Variants in AUTS2 observed in about 807,000 individuals in gnomAD.
AUTS2 encodes the protein autism susceptibility gene 2 protein.
A neutral mutation model predicts 112.4 loss-of-function variants in AUTS2; 17 were observed. The ratio of observed to expected loss-of-function variants is 0.15; its 90% CI spans 0.10 to 0.23. AUTS2 has a LOEUF of 0.23. AUTS2 is among the 10% of genes least tolerant of loss of function. The probability of loss-of-function intolerance (pLI) is 1.00; values close to 1 mark genes in which losing one functional copy is unlikely to be tolerated. For missense variants in AUTS2, 1,510 were observed against 1,701.6 expected (o/e 0.89, Z 1.98); for synonymous variants, 751 against 702.7 (o/e 1.07, Z -1.09).
chr7:70,669,688 T>C (rs1470060723), intron 5 of AUTS2, among the ~76,000 whole-genome samples: 1 of 152,234 alleles, frequency 6.6e-6, no homozygotes, highest in Non-Finnish European at 1.5e-5. Context: ...TCAGAGTTAG[T>C]CCATTTCTTG....
At chr7:70,481,300 C>T (rs1292867674) in intron 5 of AUTS2, among the ~76,000 whole-genome samples, 1 of 152,092 alleles carries the variant, frequency 6.6e-6, no homozygotes, top group Non-Finnish European at 1.5e-5. Context: ...CAAGGGAGGC[C>T]GAAGTTGGTG....
At chr7:70,325,190 G>A (rs1035093090) in intron 4 of AUTS2, among the ~76,000 whole-genome samples, 1 of 152,066 alleles carries the variant, frequency 6.6e-6, no homozygotes, top group Non-Finnish European at 1.5e-5. Context: ...CAGGCATTGT[G>A]GCTCACACCT....
intron 2 of AUTS2, among the ~76,000 whole-genome samples, chr7:69,944,876 A>T (rs557444251): frequency 6.6e-6 from 1 of 152,162 alleles, no homozygotes; most frequent in South Asian, 2.1e-4. Context: ...TACTTTGATG[A>T]AAGGGTCAGA....
At chr7:69,780,904 C>A (rs1430612243) in intron 1 of AUTS2, among the ~76,000 whole-genome samples, 1 of 152,212 alleles carries the variant, frequency 6.6e-6, no homozygotes, top group Non-Finnish European at 1.5e-5. Context: ...GGATTTTAAT[C>A]AGGTCAACTT....
chr7:70,751,223 G>T (rs1464787955), intron 6 of AUTS2, among the ~76,000 whole-genome samples: 1 of 152,128 alleles, frequency 6.6e-6, no homozygotes, highest in Non-Finnish European at 1.5e-5. Flanking sequence ...TCAGCTTCTC[G>T]GATGAAGGTG....
intron 1 of AUTS2, among the ~76,000 whole-genome samples, chr7:69,764,362 T>G (rs1788325364): frequency 6.6e-6 from 1 of 152,116 alleles, no homozygotes; most frequent in Non-Finnish European, 1.5e-5. Flanking sequence ...GCCTGCCTGC[T>G]TTTGTTCTAG....
intron 1 of AUTS2, among the ~76,000 whole-genome samples, chr7:69,689,684 A>G (rs1409843177): frequency 2.1e-5 from 1 of 46,860 alleles, no homozygotes; most frequent in Non-Finnish European, 4.2e-5. Context: ...TTATTTATTT[A>G]TTTATTTATT....
intron 4 of AUTS2, among the ~76,000 whole-genome samples, chr7:70,303,018 G>A (rs1018443599): frequency 1.3e-5 from 2 of 149,336 alleles, no homozygotes; most frequent in Non-Finnish European, 3.0e-5. Context: ...GAGCTCCCTT[G>A]TGGCTGTGCA....
chr7:70,106,154 T>G (rs946773346), intron 2 of AUTS2, among the ~76,000 whole-genome samples: 2 of 152,222 alleles, frequency 1.3e-5, no homozygotes, highest in African/African-American at 4.8e-5. Context: ...TTATACATCT[T>G]CTGGAGCTGA....
chr7:70,096,153 A>G (rs1167720438), intron 2 of AUTS2, among the ~76,000 whole-genome samples: 1 of 152,320 alleles, frequency 6.6e-6, no homozygotes, highest in East Asian at 1.9e-4. Flanking sequence ...ACGGGGTTGT[A>G]AAGAGTGAAT....
At chr7:70,501,133 C>T (rs546261952) in intron 5 of AUTS2, among the ~76,000 whole-genome samples, 2 of 152,246 alleles carry the variant, frequency 1.3e-5, no homozygotes, top group East Asian at 1.9e-4. Flanking sequence ...AGATTTATTT[C>T]GTGAATGTGT....
intron 1 of AUTS2, among the ~76,000 whole-genome samples, chr7:69,612,084 T>C (rs1793070157): frequency 6.6e-6 from 1 of 152,218 alleles, no homozygotes; most frequent in East Asian, 1.9e-4. Flanking sequence ...GTTAGTTGTT[T>C]CCAGAATCAC....
At chr7:70,747,959 C>G (rs986817332) in intron 6 of AUTS2, among the ~76,000 whole-genome samples, 1 of 146,852 alleles carries the variant, frequency 6.8e-6, no homozygotes, top group Non-Finnish European at 1.5e-5. Flanking sequence ...GTAGCTGGGA[C>G]TATAGGCACC....
At chr7:70,307,024 T>C (rs1328323229) in intron 4 of AUTS2, among the ~76,000 whole-genome samples, 1 of 152,206 alleles carries the variant, frequency 6.6e-6, no homozygotes, top group Non-Finnish European at 1.5e-5. Context: ...TTGTAATGTG[T>C]ATTTTTGTTG....
At chr7:69,868,397 G>C (rs1420365619) in intron 1 of AUTS2, among the ~76,000 whole-genome samples, 1 of 152,098 alleles carries the variant, frequency 6.6e-6, no homozygotes, top group Non-Finnish European at 1.5e-5. Context: ...ATTGTGCCCA[G>C]CTCTCTTAGC....
intron 4 of AUTS2, among the ~76,000 whole-genome samples, chr7:70,423,868 T>C (rs1273586873): frequency 6.6e-6 from 1 of 152,200 alleles, no homozygotes; most frequent in Non-Finnish European, 1.5e-5. Context: ...CAGAAATCCT[T>C]GCAGAATGTG....
chr7:70,465,078 C>G (rs891172720), intron 5 of AUTS2, among the ~76,000 whole-genome samples: 31 of 152,178 alleles, frequency 2.0e-4, no homozygotes, highest in Non-Finnish European at 1.5e-5. Context: ...CCTACTTCTA[C>G]TGACTTTCAG....
chr7:70,042,196 T>C (rs563236019), intron 2 of AUTS2, among the ~76,000 whole-genome samples: 1 of 19,136 alleles, frequency 5.2e-5, no homozygotes, highest in African/African-American at 2.3e-4. Context: ...CAAAAAAAAA[T>C]TGAGCATAAA....
intron 4 of AUTS2, among the ~76,000 whole-genome samples, chr7:70,150,635 C>G (rs1282524536): frequency 6.6e-6 from 1 of 152,166 alleles, no homozygotes; most frequent in East Asian, 1.9e-4. Flanking sequence ...CTGTGTTTAA[C>G]TGTACATTTT....
Sources: gnomAD v4.1 joint callset for allele counts (sites outside exome capture counted in the v4.1 genomes callset) on GRCh38, gnomAD v4.1.1 for gene constraint, MANE v1.5 for transcripts, NCBI Gene and HGNC (gene_info 2026-07-23, HGNC 2026-07-21) for gene names.